The following CCDC149 variants were observed in gnomAD, a reference collection of about 807,000 sequenced individuals.
CCDC149 encodes coiled-coil domain containing 149, also known as coiled-coil domain-containing protein 149.
In CCDC149, 45 loss-of-function variants were observed where a neutral mutation model predicts 59.9. The observed-to-expected ratio is 0.75, with a 90% CI of 0.59 to 0.96. CCDC149 has a LOEUF of 0.96. Among genes scored for constraint, CCDC149 ranks in the 40% least tolerant of loss-of-function variants. CCDC149 has a pLI of 0.00. For synonymous variants in CCDC149, 245 were observed against 260.6 expected (o/e 0.94, Z 0.58); for missense variants, 584 against 664.7 (o/e 0.88, Z 1.33).
intron 1 of CCDC149, among the ~76,000 whole-genome samples, chr4:24,938,107 A>G (rs1444215508): frequency 6.6e-6 from 1 of 152,192 alleles, no homozygotes; most frequent in Non-Finnish European, 1.5e-5. Flanking sequence ...GGGTGAAATT[A>G]CCATAGTTCA....
intron 9 of CCDC149, chr4:24,827,635 C>G (rs750865888): frequency 1.6e-4 from 25 of 152,218 alleles, no homozygotes; most frequent in Non-Finnish European, 2.8e-4. Context: ...CGTTCTTTCT[C>G]GATCACCAGG....
intron 1 of CCDC149, among the ~76,000 whole-genome samples, chr4:24,898,188 G>A (rs755414998): frequency 1.1e-4 from 16 of 152,186 alleles, no homozygotes; most frequent in Non-Finnish European, 2.2e-4. Context: ...CAAAGCCCAG[G>A]CAAGGATAGG....
intron 11 of CCDC149, 193 bp from the exon 12 acceptor site, chr4:24,820,168 A>G: frequency 1.9e-6 from 1 of 525,062 alleles, no homozygotes; most frequent in Non-Finnish European, 3.4e-6. Context: ...CCTTGCACAC[A>G]CACACACACA....
At chr4:24,958,727 A>T (rs1723545261) in intron 1 of CCDC149, among the ~76,000 whole-genome samples, 1 of 152,134 alleles carries the variant, frequency 6.6e-6, no homozygotes, top group Non-Finnish European at 1.5e-5. Context: ...AGTATCCAAA[A>T]TGAAAAACAG....
In CCDC149 at chr4:24,878,950, C is replaced by T. The variant is rs113693677; in HGVS notation, c.64-2253G>A. Among the ~76,000 whole-genome samples the T allele has an allele frequency of 9.1e-4, 138 of 152,302 alleles. 1 individual carries two copies. Among genetic ancestry groups the T allele is most frequent in the African/African-American group, 3.2e-3 (133 of 41,558 alleles). ...GAAAGCTGTGAAGGGCAGTAAAACG[C>T]CTCCCTTGCTTCTGGGTCTGAGATA... On this transcript the variant is annotated intron_variant, in intron 1 of 12. Transcript: ENST00000635206.
intron 1 of CCDC149, among the ~76,000 whole-genome samples, chr4:24,896,483 G>A (rs186363801): frequency 2.0e-5 from 3 of 152,334 alleles, no homozygotes; most frequent in Admixed American, 6.5e-5. Context: ...TTTGGAGCAA[G>A]CTTGAATTCT....
Position 24,837,729 on chromosome 4 carries a change from T to C in CCDC149, c.490-329A>G, listed in dbSNP as rs1716635750. Among the ~76,000 whole-genome samples, 1 of 152,230 alleles carries C rather than the reference T, an allele frequency of 6.6e-6. No homozygotes were observed. Among genetic ancestry groups the C allele is most frequent in the African/African-American group, 2.4e-5 (1 of 41,458 alleles). Reference sequence around the variant, plus strand: ...CAAATCCACTCTAGACCCAGAAATCTTGTTCTGCTCTTCAGTTAGTAAGAG... The same window carrying C: ...CAAATCCACTCTAGACCCAGAAATCCTGTTCTGCTCTTCAGTTAGTAAGAG... On this transcript the variant is annotated intron_variant, in intron 5 of 12. Coordinates refer to ENST00000635206, the MANE Select transcript of CCDC149 (RefSeq NM_001330643.2). This position sits in a 1 kb window ranked among gnomAD's most constrained non-coding sequence, Gnocchi z 4.3.
intron 1 of CCDC149, among the ~76,000 whole-genome samples, chr4:24,906,241 G>A (rs531661272): frequency 1.3e-5 from 2 of 151,910 alleles, no homozygotes; most frequent in African/African-American, 4.8e-5. Flanking sequence ...CAATTCCCTG[G>A]ACCCAGCCTT....
chr4:24,894,497 T>G lies in CCDC149; in HGVS notation c.64-17800A>C, dbSNP rs1165968409. On this transcript the variant is annotated intron_variant, in intron 1 of 12. Coordinates refer to ENST00000635206, the MANE Select transcript of CCDC149 (RefSeq NM_001330643.2). Reference sequence around the variant, plus strand: ...GTGGAGCTTTTCTCCTCCTTGTTGGTGTCTTCACAAATTCCAGCAATCAAA... The same window carrying G: ...GTGGAGCTTTTCTCCTCCTTGTTGGGGTCTTCACAAATTCCAGCAATCAAA... Among the ~76,000 whole-genome samples, 105 of 152,104 alleles carry G rather than the reference T, an allele frequency of 6.9e-4. 2 individuals carry two copies. Among genetic ancestry groups the G allele is most frequent in the Admixed American group, 6.5e-5 (1 of 15,274 alleles).
chr4:24,947,421 C>A (rs1560265967), intron 1 of CCDC149, among the ~76,000 whole-genome samples: 1 of 152,194 alleles, frequency 6.6e-6, no homozygotes, highest in Admixed American at 6.5e-5. Context: ...GAGGCTTCCC[C>A]AGCCATGCTG....
intron 1 of CCDC149, 64 bp from the exon 2 acceptor site, chr4:24,876,761 C>G: frequency 4.1e-6 from 6 of 1,467,470 alleles, no homozygotes; most frequent in Non-Finnish European, 5.5e-6. Context: ...TAAACACACA[C>G]CGTACTTCAC....
intron 1 of CCDC149, among the ~76,000 whole-genome samples, chr4:24,952,860 C>T (rs1205333838): frequency 6.6e-6 from 1 of 151,812 alleles, no homozygotes; most frequent in Non-Finnish European, 1.5e-5. Context: ...CCCCTGGCAA[C>T]CACCATTCTA....
chr4:24,906,168 CAGTGG>C (rs1408869169), intron 1 of CCDC149, among the ~76,000 whole-genome samples: 1 of 152,142 alleles, frequency 6.6e-6, no homozygotes, highest in Admixed American at 6.5e-5. Flanking sequence ...ATCTTTCTTA[CAGTGG>C]CTTAGACTTT....
At chr4:24,948,746 ATCTTG>A (rs1723192885) in intron 1 of CCDC149, among the ~76,000 whole-genome samples, 1 of 152,238 alleles carries the variant, frequency 6.6e-6, no homozygotes, top group Admixed American at 6.5e-5. Flanking sequence ...CCCCACCCAA[ATCTTG>A]AATTGTAGTT....
rs191950911 is a variant in CCDC149, at chr4:24,815,057, C to A, written c.1192+4802G>T. Among the ~76,000 whole-genome samples, 31 of 152,278 alleles carry A rather than the reference C, an allele frequency of 2.0e-4. 1 individual carries two copies. The East Asian group carries it at 6.0e-3, about 29-fold the overall frequency. ...GAAACTTGCCTGATTAATTTTTTAA[C>A]CTTGTTCCATAGTGGGGACTTAATA... On this transcript the variant is annotated intron_variant, in intron 12 of 12. Coordinates refer to ENST00000635206, the MANE Select transcript of CCDC149 (RefSeq NM_001330643.2).
intron 1 of CCDC149, among the ~76,000 whole-genome samples, chr4:24,961,540 T>C (rs554041701): frequency 1.3e-5 from 2 of 152,296 alleles, no homozygotes; most frequent in Admixed American, 6.5e-5. Flanking sequence ...GGAGGCATCA[T>C]GCTACCTGAC....
intron 12 of CCDC149, among the ~76,000 whole-genome samples, chr4:24,817,013 G>A (rs1435858844): frequency 1.3e-5 from 2 of 152,140 alleles, no homozygotes; most frequent in South Asian, 4.1e-4. Context: ...CAGCCACGGC[G>A]TAAACACTTC....
chr4:24,952,489 G>A (rs1408707999), intron 1 of CCDC149, among the ~76,000 whole-genome samples: 2 of 148,024 alleles, frequency 1.4e-5, no homozygotes, highest in East Asian at 2.0e-4. Context: ...CTATTCAGGA[G>A]TCTGAGACAG....
chr4:24,921,632 C>T (rs886252960), intron 1 of CCDC149, among the ~76,000 whole-genome samples: 14 of 152,224 alleles, frequency 9.2e-5, no homozygotes, highest in Non-Finnish European at 2.9e-5. Flanking sequence ...TCTTTCAGAA[C>T]TAATGTACCT....
Sources: gnomAD v4.1 joint callset for allele counts (sites outside exome capture counted in the v4.1 genomes callset) on GRCh38, gnomAD v4.1.1 for gene constraint, Gnocchi (gnomAD v3.1) non-coding constraint, MANE v1.5 for transcripts, NCBI Gene and HGNC (gene_info 2026-07-23, HGNC 2026-07-21) for gene names.